TAS1R2: variants seen among roughly 807,000 people sequenced by gnomAD.
TAS1R2 encodes the protein taste 1 receptor member 2, also known as taste receptor type 1 member 2.
In TAS1R2, 47 loss-of-function variants were observed where a neutral mutation model predicts 49.3. The observed-to-expected ratio is 0.95, with a 90% CI of 0.75 to 1.22. The LOEUF (loss-of-function observed/expected upper bound fraction) is 1.22, where lower values mean the gene tolerates loss of function less well. Ranked by LOEUF, TAS1R2 falls within the 50% of genes most tolerant of loss-of-function variation. TAS1R2 has a pLI of 0.00. For missense variants in TAS1R2, 1,155 were observed against 1,122.1 expected (o/e 1.03, Z -0.42); for synonymous variants, 479 against 467.9 (o/e 1.02, Z -0.31).
intron 2 of TAS1R2, among the ~76,000 whole-genome samples, chr1:18,855,951 C>CATCA (rs1372993663): frequency 7.9e-5 from 12 of 152,312 alleles, no homozygotes; most frequent in African/African-American, 2.9e-4. Flanking sequence ...GTCCAGCCAC[C>CATCA]ATCATCCCCG....
At chr1:18,853,881 C>T (rs1459435870) in intron 3 of TAS1R2, among the ~76,000 whole-genome samples, 2 of 152,098 alleles carry the variant, frequency 1.3e-5, no homozygotes, top group Non-Finnish European at 2.9e-5. Context: ...CCCACAAAAG[C>T]AATTCAAGGC....
At chr1:18,841,190 C>T (rs552464157) in intron 5 of TAS1R2, among the ~76,000 whole-genome samples, 18 of 152,316 alleles carry the variant, frequency 1.2e-4, no homozygotes, top group East Asian at 3.9e-4. Flanking sequence ...ACAGAGATGA[C>T]GTTGTCTGCA....
intron 5 of TAS1R2, among the ~76,000 whole-genome samples, chr1:18,841,265 C>T (rs1490331390): frequency 2.0e-5 from 3 of 152,238 alleles, no homozygotes; most frequent in Non-Finnish European, 2.9e-5. Context: ...AGTCATTCAA[C>T]AAGCACCCAC....
At chr1:18,848,705 A>G (rs1219369527) in intron 4 of TAS1R2, among the ~76,000 whole-genome samples, 1 of 152,166 alleles carries the variant, frequency 6.6e-6, no homozygotes, top group African/African-American at 2.4e-5. Context: ...ATAGGAGCAC[A>G]AACCCTATTG....
rs1035983524 is a variant in TAS1R2, at chr1:18,859,425, C to T, written c.182+54G>A. 5 of 1,605,616 alleles carry T rather than the reference C, an allele frequency of 3.1e-6. No homozygotes were observed. In the African/African-American group the frequency reaches 6.7e-5, roughly 21 times the overall value. On this transcript the variant is annotated intron_variant, in intron 1 of 5. Transcript: ENST00000375371. ...CTCCCAAGGACCCACAGGACCAGGCCTGGCCTCCCACCCCATCCCCACTGC... is the reference window on the plus strand; with the variant it reads ...CTCCCAAGGACCCACAGGACCAGGCTTGGCCTCCCACCCCATCCCCACTGC...
intron 5 of TAS1R2, 22 bp from the exon 6 acceptor site, chr1:18,840,549 C>T (rs376419328): frequency 6.2e-7 from 1 of 1,613,624 alleles, no homozygotes; most frequent in African/African-American, 1.3e-5. Context: ...ACAGCGACTC[C>T]CATTAGCCAA....
At chr1:18,847,008 G>A (rs1240543528) in intron 4 of TAS1R2, among the ~76,000 whole-genome samples, 1 of 152,150 alleles carries the variant, frequency 6.6e-6, no homozygotes, top group Non-Finnish European at 1.5e-5. Flanking sequence ...ATGTAACAAG[G>A]TGGCTCCCCC....
chr1:18,859,150 C>G (rs1934195601), intron 1 of TAS1R2, among the ~76,000 whole-genome samples: 1 of 152,170 alleles, frequency 6.6e-6, no homozygotes, highest in Admixed American at 6.5e-5. Context: ...TGGGAGTCCC[C>G]CAGTTGCCAA....
chr1:18,844,705 G>A (rs575503735), intron 4 of TAS1R2, among the ~76,000 whole-genome samples: 14 of 152,258 alleles, frequency 9.2e-5, no homozygotes, highest in East Asian at 5.8e-4. Context: ...AATGAGCCAA[G>A]ATTGTGCCAC....
chr1:18,856,024 A>C (rs866703469), intron 2 of TAS1R2, among the ~76,000 whole-genome samples: 2 of 152,256 alleles, frequency 1.3e-5, no homozygotes, highest in African/African-American at 2.4e-5. Flanking sequence ...ATGGCAGCCC[A>C]GTGACCCTGC....
chr1:18,847,002 A>C (rs1195280260), intron 4 of TAS1R2, among the ~76,000 whole-genome samples: 4 of 152,172 alleles, frequency 2.6e-5, no homozygotes, highest in African/African-American at 9.7e-5. Context: ...CCAGCCATGT[A>C]ACAAGGTGGC....
At chr1:18,839,646 C>A (rs142928740) in exon 6 of TAS1R2, 1 of 1,613,990 alleles carries the variant, frequency 6.2e-7, no homozygotes, top group Non-Finnish European at 8.5e-7. Flanking sequence ...TTGAAGTAGG[C>A]GGGCGTGTTG....
exon 6 of TAS1R2, chr1:18,839,678 A>G (rs750694445): frequency 1.1e-4 from 180 of 1,614,084 alleles, no homozygotes; most frequent in Non-Finnish European, 1.5e-4. Flanking sequence ...GAAGAGGATC[A>G]TGTAGCACTT....
At chr1:18,845,970 TTC>T (rs1436758162) in intron 4 of TAS1R2, among the ~76,000 whole-genome samples, 2 of 152,158 alleles carry the variant, frequency 1.3e-5, no homozygotes, top group Admixed American at 6.5e-5. Context: ...CAAACTCCCT[TTC>T]TGTTAGAGAC....
At chr1:18,858,552 A>G (rs1338255409) in intron 1 of TAS1R2, 3 of 152,386 alleles carry the variant, frequency 2.0e-5, no homozygotes, top group African/African-American at 7.2e-5. Flanking sequence ...CACCACTGCC[A>G]TCATCATCAC....
rs142089065 is a variant in TAS1R2, at chr1:18,845,727, C to T, written c.1467+3614G>A. Among the ~76,000 whole-genome samples the T allele has an allele frequency of 6.7e-4, 102 of 152,312 alleles. 1 individual carries two copies. The highest frequency in any genetic ancestry group is 2.5e-3 in the African/African-American group (102 of 41,562). ...GTCTGGCACCCAAGGACTCACCAGGCAACCCTGGGTGCTTCAATCCCAGTG... is the reference window on the plus strand; with the variant it reads ...GTCTGGCACCCAAGGACTCACCAGGTAACCCTGGGTGCTTCAATCCCAGTG... On this transcript the variant is annotated intron_variant, in intron 4 of 5. Coordinates refer to ENST00000375371, the Ensembl canonical transcript of TAS1R2.
chr1:18,841,638 C>A, intron 5 of TAS1R2, 91 bp downstream of exon 5: 4 of 1,506,244 alleles, frequency 2.7e-6, no homozygotes, highest in Non-Finnish European at 2.7e-6. Flanking sequence ...ACTCCAGAGA[C>A]CCTGCCAAGG....
intron 2 of TAS1R2, among the ~76,000 whole-genome samples, chr1:18,856,311 C>T (rs1557600366): frequency 6.6e-6 from 1 of 152,102 alleles, no homozygotes; most frequent in Non-Finnish European, 1.5e-5. Context: ...TCCCTCACTC[C>T]TTCACCTCCC....
chr1:18,844,312 A>C (rs1933878124), intron 4 of TAS1R2, among the ~76,000 whole-genome samples: 2 of 152,204 alleles, frequency 1.3e-5, no homozygotes, highest in Non-Finnish European at 2.9e-5. Flanking sequence ...TGGAAGGAGC[A>C]AGAGTGGAAG....
Sources: gnomAD v4.1 joint callset for allele counts (sites outside exome capture counted in the v4.1 genomes callset) on GRCh38, gnomAD v4.1.1 for gene constraint, MANE v1.5 for transcripts, NCBI Gene and HGNC (gene_info 2026-07-23, HGNC 2026-07-21) for gene names.